BTBD16: variants seen among roughly 807,000 people sequenced by gnomAD.
BTBD16 encodes the protein BTB domain containing 16.
In BTBD16, 66 loss-of-function variants were observed where a neutral mutation model predicts 67.4. That is an observed-to-expected ratio of 0.98 (90% CI 0.80 to 1.20). BTBD16 has a LOEUF of 1.20. Ranked by LOEUF, BTBD16 falls within the 50% of genes most tolerant of loss-of-function variation. BTBD16 has a pLI of 0.00. For synonymous variants in BTBD16, 242 were observed against 236.4 expected, an observed-to-expected ratio of 1.02 and a Z score of -0.22; for missense variants, 634 against 616.0, an observed-to-expected ratio of 1.03 and a Z score of -0.31.
At chr10:122,282,679 C>T (rs966767892) in intron 3 of BTBD16, among the ~76,000 whole-genome samples, 4 of 152,238 alleles carry the variant, frequency 2.6e-5, no homozygotes, top group African/African-American at 9.6e-5. Context: ...GTCATGGATT[C>T]ATTAATGAAT....
chr10:122,337,601 A>G (rs1307833136), intron 15 of BTBD16, among the ~76,000 whole-genome samples: 1 of 152,156 alleles, frequency 6.6e-6, no homozygotes, highest in African/African-American at 2.4e-5. Context: ...ATTAGCTGGG[A>G]CTACAGGAGC....
intron 9 of BTBD16, among the ~76,000 whole-genome samples, chr10:122,300,451 A>T (rs1376957284): frequency 1.3e-5 from 2 of 151,994 alleles, no homozygotes; most frequent in East Asian, 1.9e-4. Flanking sequence ...TTGCTATATC[A>T]TCTGCGTCTC....
At chr10:122,275,156 T>A in intron 2 of BTBD16, 57 bp downstream of exon 2, 4 of 1,551,552 alleles carry the variant, frequency 2.6e-6, no homozygotes, top group Non-Finnish European at 3.6e-6. Flanking sequence ...TTGCTTATGG[T>A]CATTTTGACA....
chr10:122,308,607 C>T (rs1017786968), intron 10 of BTBD16, among the ~76,000 whole-genome samples: 1 of 152,168 alleles, frequency 6.6e-6, no homozygotes, highest in African/African-American at 2.4e-5. Flanking sequence ...CCTTCCCCAA[C>T]CTCCCTCCTT....
In BTBD16 at chr10:122,285,710, C is replaced by T. The variant is rs61230547; in HGVS notation, c.242-395C>T. On this transcript the variant is annotated intron_variant, in intron 4 of 15. Transcript: ENST00000260723. ...ATCTGGCCCAAAATGTTTACAGTGCCGGGGCTGAGAAACACTGTCATAGGG... is the reference window on the plus strand; with the variant it reads ...ATCTGGCCCAAAATGTTTACAGTGCTGGGGCTGAGAAACACTGTCATAGGG... 2.6e-3 allele frequency among the ~76,000 whole-genome samples: 391 copies of T among 152,258 alleles called. 4 individuals carry two copies. The highest frequency in any genetic ancestry group is 8.9e-3 in the African/African-American group (370 of 41,550).
At chr10:122,286,366 C>T (rs113885285) in intron 5 of BTBD16, 118 bp downstream of exon 5, 4 of 1,404,514 alleles carry the variant, frequency 2.8e-6, no homozygotes, top group African/African-American at 2.9e-5. Context: ...AAGAGTAAGG[C>T]TCCACAGTGT....
At chr10:122,317,655 ACAAAAAAAC>A (rs1476044785) in intron 10 of BTBD16, among the ~76,000 whole-genome samples, 13 of 115,350 alleles carry the variant, frequency 1.1e-4, no homozygotes, top group Middle Eastern at 4.1e-3. Context: ...TCAAAAAAAC[ACAAAAAAAC>A]AAAAAAAACA....
At chr10:122,287,055 A>C (rs1229009785) in intron 5 of BTBD16, among the ~76,000 whole-genome samples, 2 of 150,956 alleles carry the variant, frequency 1.3e-5, no homozygotes, top group Non-Finnish European at 3.0e-5. Context: ...GCCCCCAGTC[A>C]CTCCCCCTCC....
intron 7 of BTBD16, among the ~76,000 whole-genome samples, chr10:122,296,794 T>C (rs182756731): frequency 1.4e-4 from 21 of 151,962 alleles, no homozygotes; most frequent in African/African-American, 5.1e-4. Context: ...CAAGAGGAGG[T>C]GATGCTGGAG....
At chr10:122,296,687 C>T (rs1426443753) in intron 7 of BTBD16, among the ~76,000 whole-genome samples, 2 of 152,208 alleles carry the variant, frequency 1.3e-5, no homozygotes, top group Non-Finnish European at 2.9e-5. Flanking sequence ...CACCTCGGCT[C>T]ATGCCCTCCT....
intron 13 of BTBD16, chr10:122,332,779 G>A (rs2096457296): frequency 1.0e-6 from 1 of 973,186 alleles, no homozygotes; most frequent in Non-Finnish European, 1.2e-6. Flanking sequence ...AGTTGCCCTG[G>A]GATGTAGGAC....
chr10:122,280,383 C>T (rs1483354423), intron 3 of BTBD16, among the ~76,000 whole-genome samples: 1 of 151,832 alleles, frequency 6.6e-6, no homozygotes. Context: ...GAGGGGGCAC[C>T]CCCACGAAGG....
At chr10:122,273,219 A>AAGAT (rs1564943129) in intron 1 of BTBD16, among the ~76,000 whole-genome samples, 2 of 66,768 alleles carry the variant, frequency 3.0e-5, no homozygotes, top group South Asian at 5.1e-4. Flanking sequence ...CAGCAACACA[A>AAGAT]AGATATATAT....
chr10:122,289,454 A>G (rs1385125451), intron 5 of BTBD16, among the ~76,000 whole-genome samples: 1 of 152,170 alleles, frequency 6.6e-6, no homozygotes, highest in Non-Finnish European at 1.5e-5. Flanking sequence ...AAATGCGTCT[A>G]TAGGCCGGGC....
intron 9 of BTBD16, among the ~76,000 whole-genome samples, chr10:122,301,992 C>T (rs1364787815): frequency 6.6e-6 from 1 of 152,086 alleles, no homozygotes; most frequent in Admixed American, 6.5e-5. Flanking sequence ...GTCACGTGGC[C>T]CCGGAGTGGG....
intron 14 of BTBD16, among the ~76,000 whole-genome samples, chr10:122,336,167 G>A (rs2096462979): frequency 6.6e-6 from 1 of 152,194 alleles, no homozygotes; most frequent in African/African-American, 2.4e-5. Context: ...TGGAAGAGAT[G>A]AATTATGTGA....
At chr10:122,275,494 A>G (rs2096338639) in intron 2 of BTBD16, among the ~76,000 whole-genome samples, 3 of 152,202 alleles carry the variant, frequency 2.0e-5, no homozygotes, top group South Asian at 4.1e-4. Context: ...TGTCGTTGTC[A>G]CGATAACCAT....
intron 10 of BTBD16, among the ~76,000 whole-genome samples, chr10:122,323,097 A>G (rs1176323141): frequency 2.0e-5 from 3 of 152,224 alleles, no homozygotes; most frequent in Admixed American, 2.0e-4. Flanking sequence ...TGGTGGTTTT[A>G]ACCTCTGAAA....
At chr10:122,281,818 T>C (rs903649183) in intron 3 of BTBD16, among the ~76,000 whole-genome samples, 3 of 152,202 alleles carry the variant, frequency 2.0e-5, no homozygotes, top group African/African-American at 7.2e-5. Flanking sequence ...AGGAAGTCCG[T>C]ATGTCCATGA....
Sources: gnomAD v4.1 joint callset for allele counts (sites outside exome capture counted in the v4.1 genomes callset) on GRCh38, gnomAD v4.1.1 for gene constraint, MANE v1.5 for transcripts, NCBI Gene and HGNC (gene_info 2026-07-23, HGNC 2026-07-21) for gene names.